CMTM4: variants seen among roughly 807,000 people sequenced by gnomAD.
The protein encoded by CMTM4 is CKLF-like MARVEL transmembrane domain-containing protein 4.
Under a neutral mutation model 19.0 loss-of-function variants are expected in CMTM4, and 8 were observed. The observed-to-expected ratio is 0.42, with a 90% CI of 0.25 to 0.76. CMTM4 has a LOEUF of 0.76. CMTM4 is among the 30% of genes least tolerant of loss of function. The pLI is 0.27. For synonymous variants in CMTM4, 106 were observed against 121.1 expected, an observed-to-expected ratio of 0.88 and a Z score of 0.82; for missense variants, 228 against 290.2, an observed-to-expected ratio of 0.79 and a Z score of 1.56.
At chr16:66,602,203 C>T in the CMTM4 span, among the ~76,000 whole-genome samples, 6 of 152,294 alleles carry the variant, frequency 3.9e-5, no homozygotes, top group Non-Finnish European at 1.5e-5. Context: ...TCAAGACCAG[C>T]CTGGCCAACA....
chr16:66,678,425 G>A (rs115724518), intron 1 of CMTM4, among the ~76,000 whole-genome samples: 1 of 152,300 alleles, frequency 6.6e-6, no homozygotes, highest in Non-Finnish European at 1.5e-5. Context: ...CATAAATTGT[G>A]AATGCTTTCG....
the CMTM4 span, chr16:66,605,508 C>CGGCCGTGGG: frequency 6.6e-6 from 1 of 152,474 alleles, no homozygotes; most frequent in Non-Finnish European, 1.5e-5. This position sits in a 1 kb window ranked among gnomAD's most constrained non-coding sequence, Gnocchi z 4.6. Context: ...GCCCCCACCC[C>CGGCCGTGGG]GGCCGGTGGG....
rs2015520107 is a variant in CMTM4, at chr16:66,616,013, A to C, written c.*6045T>G. The C allele has an allele frequency of 6.6e-6, 1 of 151,918 alleles. No individual in the cohort carries two copies. Among genetic ancestry groups the C allele is most frequent in the African/African-American group, 2.4e-5 (1 of 41,424 alleles). 9.4% of individuals were successfully genotyped at this position (151,918 alleles called of 1,614,324 possible). ...AAGCAGCAGCAGAGAGGAAAGAGGA[A>C]TAGCCAGGGAATTTTTTTTGTTTTT... On this transcript the variant is annotated 3_prime_UTR_variant, in exon 4 of 4. Transcript: ENST00000394106.
chr16:66,672,924 CTT>C (rs150720178), intron 1 of CMTM4, among the ~76,000 whole-genome samples: 9 of 107,910 alleles, frequency 8.3e-5, no homozygotes, highest in Admixed American at 3.2e-4. Context: ...CTGCGCCTGG[CTT>C]TTTTTTTTTT....
chr16:66,612,567 C>T (rs1020413577), downstream of CMTM4: 6 of 1,609,868 alleles, frequency 3.7e-6, no homozygotes, highest in Non-Finnish European at 4.2e-6. This position sits in a 1 kb window ranked among gnomAD's most constrained non-coding sequence, Gnocchi z 6.0. Flanking sequence ...GGCACCGCTG[C>T]CCTGAGCCTC....
Position 66,618,875 on chromosome 16 carries a change from G to A in CMTM4, c.*3183C>T. ...AGGGGACAGTAACAGGGCCCGAAGG[G>A]CTGGGGGTGCCGCTGGCTTCCCAGG... On this transcript the variant is annotated 3_prime_UTR_variant, in exon 4 of 4. Coordinates refer to ENST00000394106, the MANE Select transcript of CMTM4 (RefSeq NM_181521.3). 1 of 985,556 alleles carries A rather than the reference G, an allele frequency of 1.0e-6. No homozygotes were observed. 61.1% of individuals were successfully genotyped at this position (985,556 alleles called of 1,614,324 possible).
intron 2 of CMTM4, among the ~76,000 whole-genome samples, chr16:66,625,494 G>T (rs2015719716): frequency 6.6e-6 from 1 of 151,776 alleles, no homozygotes; most frequent in African/African-American, 2.4e-5. Flanking sequence ...AGTTGTAGGA[G>T]TATCAGTAGT....
rs2015564761 is a variant in CMTM4 at position 66,618,352 on chromosome 16, T to C, written c.*3706A>G. On this transcript the variant is annotated 3_prime_UTR_variant, in exon 4 of 4. Transcript: ENST00000394106. ...ACAAAGACTTCATGACTGTTTTGTTTTGAACACAGATGAGACAATAGGAAC... is the reference window on the plus strand; with the variant it reads ...ACAAAGACTTCATGACTGTTTTGTTCTGAACACAGATGAGACAATAGGAAC... 1.0e-6 allele frequency: 1 copy of C among 985,464 alleles called. No individual in the cohort carries two copies. Among genetic ancestry groups the C allele is most frequent in the Non-Finnish European group, 1.2e-6 (1 of 829,944 alleles). The allele number at this position is 985,464 out of a possible 1,614,324, so 61.0% of individuals were successfully genotyped here.
chr16:66,651,713 A>G (rs191763717), intron 1 of CMTM4, among the ~76,000 whole-genome samples: 40 of 152,346 alleles, frequency 2.6e-4, no homozygotes, highest in African/African-American at 9.4e-4. Flanking sequence ...CAAAGCCCAC[A>G]ACATGACTGC....
In CMTM4 at chr16:66,621,854, C is replaced by A; in HGVS notation, c.*204G>T. 1.4e-6 allele frequency: 2 copies of A among 1,412,158 alleles called. No individual in the cohort carries two copies. Among genetic ancestry groups the A allele is most frequent in the East Asian group, 2.6e-5 (1 of 38,864 alleles). The allele number at this position is 1,412,158 out of a possible 1,614,324, so 87.5% of individuals were successfully genotyped here. A position where few individuals can be genotyped will look rare whatever the true frequency, so the allele number is the denominator to read the frequency against. The stretch of plus-strand genomic sequence containing the variant: ...GGCAGTGACGCCGGCTGCTCCACAG[C>A]CCCAAACGCTGAGGAACGTGGGCCT... On this transcript the variant is annotated 3_prime_UTR_variant, in exon 4 of 4. Coordinates refer to ENST00000394106, the MANE Select transcript of CMTM4 (RefSeq NM_181521.3).
At chr16:66,641,003 A>G (rs2016089767) in intron 1 of CMTM4, among the ~76,000 whole-genome samples, 3 of 152,290 alleles carry the variant, frequency 2.0e-5, no homozygotes, top group Non-Finnish European at 4.4e-5. Context: ...GCCACCCCCC[A>G]AATTCCTGAC....
chr16:66,694,930 C>G (rs568376803), intron 1 of CMTM4, among the ~76,000 whole-genome samples: 1 of 152,122 alleles, frequency 6.6e-6, no homozygotes, highest in Non-Finnish European at 1.5e-5. Context: ...CAGAACAAGC[C>G]TTTCACCCAA....
intron 1 of CMTM4, among the ~76,000 whole-genome samples, chr16:66,692,400 G>C (rs556647968): frequency 2.2e-4 from 34 of 152,268 alleles, no homozygotes; most frequent in African/African-American, 7.2e-4. Context: ...GGTTAACACT[G>C]AAAGGATATA....
At chr16:66,674,066 C>G (rs1012793802) in intron 1 of CMTM4, among the ~76,000 whole-genome samples, 1 of 152,230 alleles carries the variant, frequency 6.6e-6, no homozygotes, top group African/African-American at 2.4e-5. Context: ...GGAGGAAGCA[C>G]TTGGTTGGCT....
intron 1 of CMTM4, among the ~76,000 whole-genome samples, chr16:66,673,499 C>A (rs747688734): frequency 2.6e-5 from 4 of 152,092 alleles, no homozygotes; most frequent in Non-Finnish European, 5.9e-5. Flanking sequence ...AGCCACTGCA[C>A]CCGGCCCACG....
At chr16:66,687,136 T>C (rs2017048285) in intron 1 of CMTM4, among the ~76,000 whole-genome samples, 1 of 131,566 alleles carries the variant, frequency 7.6e-6, no homozygotes, top group Non-Finnish European at 1.6e-5. Flanking sequence ...TTGTGCAGAA[T>C]GCTTTTTTTT....
chr16:66,605,285 C>A, the CMTM4 span: 1 of 215,034 alleles, frequency 4.7e-6, no homozygotes, highest in Non-Finnish European at 9.2e-6. The surrounding 1 kb of genome is among the most constrained non-coding windows in gnomAD (Gnocchi z 4.6). Context: ...GGGACTCGGG[C>A]AACTCGGACC....
intron 2 of CMTM4, among the ~76,000 whole-genome samples, chr16:66,627,778 G>T (rs2015771772): frequency 6.6e-6 from 1 of 152,172 alleles, no homozygotes; most frequent in Non-Finnish European, 1.5e-5. Context: ...CGTCAGGTGG[G>T]ACGAGAGACT....
intron 1 of CMTM4, among the ~76,000 whole-genome samples, chr16:66,655,288 A>T (rs777964597): frequency 1.3e-5 from 2 of 152,064 alleles, no homozygotes; most frequent in Non-Finnish European, 1.5e-5. Context: ...TTTCTTTTTT[A>T]AAAATAGCTA....
Sources: gnomAD v4.1 joint callset for allele counts (sites outside exome capture counted in the v4.1 genomes callset) on GRCh38, gnomAD v4.1.1 for gene constraint, Gnocchi (gnomAD v3.1) non-coding constraint, MANE v1.5 for transcripts, NCBI Gene and HGNC (gene_info 2026-07-23, HGNC 2026-07-21) for gene names.